The following PEX5L variants were observed in gnomAD, a reference collection of about 807,000 sequenced individuals.
PEX5L encodes peroxisomal biogenesis factor 5 like.
In PEX5L, 30 loss-of-function variants were observed where a neutral mutation model predicts 84.0. That is an observed-to-expected ratio of 0.36 (90% confidence interval 0.27 to 0.48). PEX5L has a LOEUF of 0.48. PEX5L is among the 20% of genes least tolerant of loss of function. PEX5L has a pLI of 0.99. For missense variants in PEX5L, 533 were observed against 754.6 expected (o/e 0.71, Z 3.44); for synonymous variants, 270 against 283.1 (o/e 0.95, Z 0.46).
At chr3:179,890,708 T>A (rs1046874151) in intron 3 of PEX5L, among the ~76,000 whole-genome samples, 1 of 152,178 alleles carries the variant, frequency 6.6e-6, no homozygotes, top group African/African-American at 2.4e-5. Flanking sequence ...TAAGAGTTTA[T>A]CCCTAAATCA....
chr3:180,005,264 T>A (rs574516416), intron 1 of PEX5L, among the ~76,000 whole-genome samples: 45 of 152,238 alleles, frequency 3.0e-4, no homozygotes, highest in East Asian at 9.7e-4. Context: ...GTTTTTATTT[T>A]TTTTTGTTTG....
At chr3:179,934,207 T>G (rs1382505709) in intron 2 of PEX5L, among the ~76,000 whole-genome samples, 3 of 152,224 alleles carry the variant, frequency 2.0e-5, no homozygotes, top group Non-Finnish European at 4.4e-5. Context: ...ATATGTATTT[T>G]CATAGAGTAA....
chr3:179,946,380 C>A (rs1006646954), intron 2 of PEX5L, among the ~76,000 whole-genome samples: 1 of 152,150 alleles, frequency 6.6e-6, no homozygotes, highest in African/African-American at 2.4e-5. Flanking sequence ...GGACACAGGG[C>A]AGGGTCTAAA....
At position 179,898,251 on chromosome 3, in the gene PEX5L, A is replaced by T; in HGVS notation, c.94-5T>A. On this transcript the variant is annotated splice_polypyrimidine_tract_variant and splice_region_variant and intron_variant, in intron 2 of 14. Coordinates refer to ENST00000467460, the MANE Select transcript of PEX5L (RefSeq NM_016559.3). ...TGCCGCCCTAGAGCCTTTTCCCTATAACAGTGAAATCAACAATGACTGTGT... is the reference window on the plus strand; with the variant it reads ...TGCCGCCCTAGAGCCTTTTCCCTATTACAGTGAAATCAACAATGACTGTGT... 6.3e-7 allele frequency: 1 copy of T among 1,590,116 alleles called. No homozygotes were observed. Among genetic ancestry groups the T allele is most frequent in the Non-Finnish European group, 8.6e-7 (1 of 1,158,332 alleles).
At chr3:180,034,456 G>A (rs1400279415) in intron 1 of PEX5L, among the ~76,000 whole-genome samples, 1 of 152,118 alleles carries the variant, frequency 6.6e-6, no homozygotes, top group Non-Finnish European at 1.5e-5. Context: ...TCTCTGATAA[G>A]GAAACGTTAT....
intron 8 of PEX5L, among the ~76,000 whole-genome samples, chr3:179,849,173 T>G (rs1175671723): frequency 6.6e-6 from 1 of 152,202 alleles, no homozygotes; most frequent in Admixed American, 6.5e-5. Context: ...TCAATACCAG[T>G]TTCCTAAACT....
intron 1 of PEX5L, among the ~76,000 whole-genome samples, chr3:180,010,135 C>T (rs376740907): frequency 1.3e-5 from 2 of 151,616 alleles, no homozygotes; most frequent in Non-Finnish European, 1.5e-5. Flanking sequence ...TTAGTAGAGA[C>T]GGGGTTTCAC....
intron 8 of PEX5L, among the ~76,000 whole-genome samples, chr3:179,857,715 C>T (rs1171336189): frequency 2.0e-5 from 3 of 152,014 alleles, no homozygotes; most frequent in South Asian, 2.1e-4. Flanking sequence ...TTAAAATAAT[C>T]GTTTTAGTGG....
intron 2 of PEX5L, among the ~76,000 whole-genome samples, chr3:179,904,310 C>A (rs1190046101): frequency 6.6e-6 from 1 of 152,190 alleles, no homozygotes; most frequent in African/African-American, 2.4e-5. Context: ...TAATTACATT[C>A]TATTATATAA....
chr3:179,951,770 T>C (rs1284966180), intron 2 of PEX5L, among the ~76,000 whole-genome samples: 2 of 152,208 alleles, frequency 1.3e-5, no homozygotes, highest in African/African-American at 4.8e-5. Flanking sequence ...TGTAAGTACA[T>C]AGAGTGTATA....
intron 1 of PEX5L, among the ~76,000 whole-genome samples, chr3:180,000,048 G>A (rs1788253847): frequency 6.6e-6 from 1 of 152,132 alleles, no homozygotes; most frequent in Non-Finnish European, 1.5e-5. Flanking sequence ...GGATAGAAGT[G>A]GAAGTGGCAC....
chr3:179,965,399 GC>G (rs1236902251), intron 2 of PEX5L, among the ~76,000 whole-genome samples: 1 of 152,182 alleles, frequency 6.6e-6, no homozygotes, highest in African/African-American at 2.4e-5. Context: ...AGGCATCTGA[GC>G]AGATGCTATT....
At chr3:179,893,612 C>T (rs1171501709) in intron 3 of PEX5L, among the ~76,000 whole-genome samples, 11 of 152,096 alleles carry the variant, frequency 7.2e-5, no homozygotes, top group Non-Finnish European at 1.0e-4. Flanking sequence ...AAAACAATGT[C>T]TGTAAAGGAC....
intron 2 of PEX5L, among the ~76,000 whole-genome samples, chr3:179,930,355 T>C (rs1772713730): frequency 1.3e-5 from 2 of 152,226 alleles, no homozygotes; most frequent in African/African-American, 2.4e-5. Context: ...ACTCCTGTTA[T>C]ATATGGAATA....
intron 1 of PEX5L, among the ~76,000 whole-genome samples, chr3:180,009,191 A>G (rs1789195795): frequency 6.6e-6 from 1 of 152,166 alleles, no homozygotes; most frequent in Non-Finnish European, 1.5e-5. Context: ...TTCTTTATGG[A>G]TTCATTCACT....
At chr3:180,018,531 A>G (rs1239871603) in intron 1 of PEX5L, among the ~76,000 whole-genome samples, 2 of 152,172 alleles carry the variant, frequency 1.3e-5, no homozygotes, top group African/African-American at 4.8e-5. Context: ...TATTTTTTGA[A>G]GTGAAAATCA....
chr3:180,027,244 T>G (rs1166484867), intron 1 of PEX5L, among the ~76,000 whole-genome samples: 2 of 152,202 alleles, frequency 1.3e-5, no homozygotes, highest in African/African-American at 4.8e-5. Flanking sequence ...GTTCAGGGCT[T>G]GACTTGGGCT....
chr3:179,936,058 G>A (rs1429069485), intron 2 of PEX5L, among the ~76,000 whole-genome samples: 1 of 152,128 alleles, frequency 6.6e-6, no homozygotes, highest in African/African-American at 2.4e-5. Context: ...AAATTATCCA[G>A]TCTCAGGTAT....
chr3:180,017,556 G>A (rs1790049375), intron 1 of PEX5L, among the ~76,000 whole-genome samples: 1 of 151,958 alleles, frequency 6.6e-6, no homozygotes, highest in African/African-American at 2.4e-5. Flanking sequence ...CTCTCAAACT[G>A]AGTGTGTACT....
Sources: gnomAD v4.1 joint callset for allele counts (sites outside exome capture counted in the v4.1 genomes callset) on GRCh38, gnomAD v4.1.1 for gene constraint, MANE v1.5 for transcripts, NCBI Gene and HGNC (gene_info 2026-07-23, HGNC 2026-07-21) for gene names.